AFF3: variants seen among roughly 807,000 people sequenced by gnomAD.
The protein encoded by AFF3 is AF4/FMR2 family member 3.
Under a neutral mutation model 129.7 loss-of-function variants are expected in AFF3, and 32 were observed. The observed-to-expected ratio is 0.25, with a 90% confidence interval of 0.19 to 0.33. The LOEUF is 0.33. AFF3 is among the 10% of genes least tolerant of loss of function. The probability of loss-of-function intolerance (pLI) is 1.00; values close to 1 mark genes in which losing one functional copy is unlikely to be tolerated. For missense variants in AFF3, 1,373 were observed against 1,592.0 expected (o/e 0.86, Z 2.34); for synonymous variants, 644 against 635.4 (o/e 1.01, Z -0.20).
intron 7 of AFF3, among the ~76,000 whole-genome samples, chr2:100,001,078 G>A (rs1681362670): frequency 6.6e-6 from 1 of 152,200 alleles, no homozygotes; most frequent in South Asian, 2.1e-4. Context: ...GGCTGCAGCT[G>A]AAGGGAAAGC....
intron 12 of AFF3, among the ~76,000 whole-genome samples, chr2:99,653,263 C>A (rs1685440648): frequency 2.0e-5 from 3 of 152,224 alleles, no homozygotes; most frequent in Admixed American, 2.0e-4. Context: ...TGTCTCTTAA[C>A]ATCATCTCAG....
In AFF3 at chr2:100,066,215, T is replaced by C. The variant is rs193300691; in HGVS notation, c.53+38187A>G. 2.6e-5 allele frequency among the ~76,000 whole-genome samples: 4 copies of C among 152,326 alleles called. No individual in the cohort carries two copies. In the East Asian group the frequency reaches 7.7e-4, roughly 29 times the overall value. ...AATTAAAAAGCCAGCAAGAAATCAA[T>C]GAACTGTAATTTTAACTCATTTTAC... On this transcript the variant is annotated intron_variant, in intron 4 of 24. Coordinates refer to ENST00000672756, the MANE Select transcript of AFF3 (RefSeq NM_001386135.1).
intron 7 of AFF3, among the ~76,000 whole-genome samples, chr2:99,853,944 A>G (rs1410419986): frequency 6.6e-6 from 1 of 152,238 alleles, no homozygotes; most frequent in Non-Finnish European, 1.5e-5. Context: ...TCAACTTACT[A>G]GCTTCACATA....
chr2:99,719,564 A>G (rs868619143), intron 11 of AFF3, among the ~76,000 whole-genome samples: 1 of 152,156 alleles, frequency 6.6e-6, no homozygotes, highest in South Asian at 2.1e-4. Context: ...TGATATAAAT[A>G]TATCTTAAAG....
chr2:99,772,589 T>A (rs866033495), intron 8 of AFF3, among the ~76,000 whole-genome samples: 1 of 152,190 alleles, frequency 6.6e-6, no homozygotes. Context: ...TTTTCTTCTG[T>A]ATCTCCTCAG....
intron 2 of AFF3, among the ~76,000 whole-genome samples, chr2:100,123,686 T>C (rs963680109): frequency 6.6e-6 from 1 of 152,190 alleles, no homozygotes; most frequent in African/African-American, 2.4e-5. Context: ...ATCATCATCC[T>C]ACCCTGAAGC....
chr2:99,603,751 C>T (rs1680065917), intron 13 of AFF3, among the ~76,000 whole-genome samples: 1 of 152,078 alleles, frequency 6.6e-6, no homozygotes, highest in Non-Finnish European at 1.5e-5. Flanking sequence ...GCTCTAATAT[C>T]CAGTGTTTAT....
intron 4 of AFF3, among the ~76,000 whole-genome samples, chr2:100,044,409 G>C (rs1180987692): frequency 1.3e-5 from 2 of 151,838 alleles, no homozygotes; most frequent in African/African-American, 4.8e-5. Flanking sequence ...AACGTATTCA[G>C]AATAGCTCCG....
chr2:99,598,161 T>C (rs1404905663), intron 14 of AFF3, among the ~76,000 whole-genome samples: 2 of 152,136 alleles, frequency 1.3e-5, no homozygotes, highest in African/African-American at 4.8e-5. Context: ...TGCGTGATGA[T>C]TCGATAGGTA....
chr2:100,020,468 A>G (rs1256239985), intron 4 of AFF3, among the ~76,000 whole-genome samples: 1 of 151,942 alleles, frequency 6.6e-6, no homozygotes, highest in Non-Finnish European at 1.5e-5. Flanking sequence ...TCAGCTACCA[A>G]TTATCCAACT....
At chr2:99,894,146 T>C (rs1693764724) in intron 7 of AFF3, among the ~76,000 whole-genome samples, 1 of 151,562 alleles carries the variant, frequency 6.6e-6, no homozygotes, top group Admixed American at 6.6e-5. Flanking sequence ...ATAAATGGGT[T>C]AAACAGGATG....
At position 99,867,594 on chromosome 2, in the gene AFF3, C is replaced by A. The variant is rs908385339; in HGVS notation, c.874-30070G>T. Among the ~76,000 whole-genome samples, 415 of 108,310 alleles carry A rather than the reference C, an allele frequency of 3.8e-3. 1 individual carries two copies. Among genetic ancestry groups the A allele is most frequent in the Non-Finnish European group, 5.4e-3 (282 of 52,354 alleles). The allele number at this position is 108,310 out of a possible 152,430, so 71.1% of individuals were successfully genotyped here. A position where few individuals can be genotyped will look rare whatever the true frequency, so the allele number is the denominator to read the frequency against. ...TCTATATTAAAAAAAAAAAAAAAAA[C>A]ATAGCTGGCAGCCCCCTTTCTCCAA... On this transcript the variant is annotated intron_variant, in intron 7 of 24. Transcript: ENST00000672756.
chr2:99,866,982 TAATAATAATAATAATAATAAAA>T (rs1483165444), intron 7 of AFF3, among the ~76,000 whole-genome samples: 4 of 103,908 alleles, frequency 3.8e-5, no homozygotes, highest in African/African-American at 1.5e-4. Flanking sequence ...ATAATAATAA[TAATAATAATAATAATAATAAAA>T]AATAAATAAA....
intron 12 of AFF3, among the ~76,000 whole-genome samples, chr2:99,657,387 TAGTCA>T (rs1266923210): frequency 6.6e-6 from 1 of 152,222 alleles, no homozygotes; most frequent in Non-Finnish European, 1.5e-5. Context: ...CCCTGGATTC[TAGTCA>T]TTTTTGGGGA....
chr2:99,778,448 C>T (rs1684116536), intron 8 of AFF3, among the ~76,000 whole-genome samples: 1 of 152,186 alleles, frequency 6.6e-6, no homozygotes, highest in African/African-American at 2.4e-5. Flanking sequence ...CATGCATAAG[C>T]ACACCAGCAG....
chr2:99,723,828 G>A (rs1489835401), intron 11 of AFF3, among the ~76,000 whole-genome samples: 1 of 152,180 alleles, frequency 6.6e-6, no homozygotes, highest in Non-Finnish European at 1.5e-5. Context: ...GACGTCATTA[G>A]GGTGGGCCCT....
At chr2:100,130,440 G>A (rs2105586481) in intron 1 of AFF3, among the ~76,000 whole-genome samples, 1 of 152,336 alleles carries the variant, frequency 6.6e-6, no homozygotes, top group African/African-American at 2.4e-5. Flanking sequence ...GGCTCGATGA[G>A]ATGCCAATGC....
chr2:99,861,378 A>G (rs938063540), intron 7 of AFF3, among the ~76,000 whole-genome samples: 3 of 152,214 alleles, frequency 2.0e-5, no homozygotes, highest in Admixed American at 2.0e-4. Context: ...CTTTAGAGCC[A>G]AACTACCTGG....
chr2:99,964,767 G>A (rs2104363279), intron 7 of AFF3, among the ~76,000 whole-genome samples: 1 of 152,232 alleles, frequency 6.6e-6, no homozygotes, highest in African/African-American at 2.4e-5. Context: ...TTTATTCCTA[G>A]GACACAAGGG....
Sources: allele counts gnomAD v4.1 joint callset (sites outside exome capture counted in the v4.1 genomes callset), GRCh38; gene constraint gnomAD v4.1.1; transcripts MANE v1.5; gene names NCBI Gene and HGNC (gene_info 2026-07-23, HGNC 2026-07-21).